Variants in FAM47E observed in about 807,000 individuals in gnomAD.
The protein encoded by FAM47E is protein FAM47E.
In FAM47E, 32 loss-of-function variants were observed where a neutral mutation model predicts 41.6. That is an observed-to-expected ratio of 0.77 (90% CI 0.58 to 1.03). The LOEUF (loss-of-function observed/expected upper bound fraction) is 1.03. FAM47E is among the 50% of genes least tolerant of loss of function. The pLI is 0.00. For missense variants in FAM47E, 424 were observed against 485.4 expected (o/e 0.87, Z 1.19); for synonymous variants, 184 against 188.7 (o/e 0.98, Z 0.20).
In FAM47E at chr4:76,214,385, C is replaced by CA. The variant is rs1560724516; in HGVS notation, c.-63dup. The stretch of plus-strand genomic sequence containing the variant: ...GGCATGTGCAAGAATGGAAGATGTG[C>CA]AAAAAAGGGAGGAGGAGGCATTTCA... On this transcript the variant is annotated 5_prime_UTR_variant, in exon 1 of 8. Transcript: ENST00000510197. 4 of 424,630 alleles carry CA rather than the reference C, an allele frequency of 9.4e-6. No individual in the cohort carries two copies. In the East Asian group the frequency reaches 3.0e-4, roughly 32 times the overall value. The allele number at this position is 424,630 out of a possible 1,614,324, so 26.3% of individuals were successfully genotyped here. A position where few individuals can be genotyped will look rare whatever the true frequency, so the allele number is the denominator to read the frequency against.
Position 76,278,219 on chromosome 4 carries a change from G to A in FAM47E, c.1021G>A (p.Glu341Lys), listed in dbSNP as rs1361329466. ...QEENFKKELQ[E>K]QEELLADLHG... Reference sequence around the variant, plus strand: ...GGAGAATTTTAAAAAGGAGCTGCAGGAACAGGTATGTATTTATACTGAGAT... The same window carrying A: ...GGAGAATTTTAAAAAGGAGCTGCAGAAACAGGTATGTATTTATACTGAGAT... The change falls in exon 6 of 8, where the codon GAA (glutamate) becomes AAA (lysine). Residue 341 changes from glutamate to lysine, a missense_variant. Transcript: ENST00000424749. The A allele has an allele frequency of 6.5e-7, 1 of 1,537,814 alleles. No homozygotes were observed. The highest frequency in any genetic ancestry group is 2.1e-5 in the Admixed American group (1 of 47,268).
chr4:76,270,880 C>G (rs1361646934), intron 4 of FAM47E, among the ~76,000 whole-genome samples: 3 of 152,068 alleles, frequency 2.0e-5, no homozygotes, highest in Non-Finnish European at 4.4e-5. Context: ...ATTACGTTAG[C>G]CTCGTTTTGC....
At chr4:76,236,177 A>G (rs1215048049) in intron 2 of FAM47E, 1 of 152,252 alleles carries the variant, frequency 6.6e-6, no homozygotes, top group Non-Finnish European at 1.5e-5. Context: ...TTCAGGTTTA[A>G]GTCACTTTAT....
chr4:76,253,653 C>T (rs946617959), intron 1 of FAM47E, among the ~76,000 whole-genome samples: 13 of 151,948 alleles, frequency 8.6e-5, no homozygotes, highest in East Asian at 3.9e-4. Context: ...AAGAGGAAAG[C>T]GGTAGCCAGG....
intron 2 of FAM47E, among the ~76,000 whole-genome samples, chr4:76,261,562 A>G (rs888499073): frequency 2.0e-5 from 3 of 152,170 alleles, no homozygotes; most frequent in Non-Finnish European, 4.4e-5. Context: ...TAAGTGAAAT[A>G]ACTCAGAATC....
intron 5 of FAM47E, among the ~76,000 whole-genome samples, chr4:76,276,743 C>T (rs1264392664): frequency 6.6e-6 from 1 of 152,142 alleles, no homozygotes; most frequent in Non-Finnish European, 1.5e-5. Context: ...TGGGGAAAAA[C>T]ATTACAGTAG....
intron 2 of FAM47E, among the ~76,000 whole-genome samples, chr4:76,258,013 G>A (rs909982676): frequency 6.6e-6 from 1 of 152,210 alleles, no homozygotes; most frequent in Non-Finnish European, 1.5e-5. Flanking sequence ...TCTCTCTGGG[G>A]CTTTCCCTCA....
chr4:76,280,014 A>G, intron 6 of FAM47E: 1 of 353,844 alleles, frequency 2.8e-6, no homozygotes, highest in South Asian at 4.4e-5. Context: ...ATAATTGTCT[A>G]ATTGCTAAAA....
intron 4 of FAM47E, among the ~76,000 whole-genome samples, chr4:76,270,748 G>GA (rs1238086673): frequency 2.6e-5 from 4 of 152,164 alleles, no homozygotes; most frequent in Non-Finnish European, 1.5e-5. Context: ...CATCCCACAA[G>GA]CTGGGTCCCT....
intron 2 of FAM47E, among the ~76,000 whole-genome samples, chr4:76,263,476 T>G (rs1734503589): frequency 6.6e-6 from 1 of 152,180 alleles, no homozygotes; most frequent in African/African-American, 2.4e-5. Context: ...ATTTTAGACT[T>G]TAGGGATTAT....
intron 7 of FAM47E, chr4:76,281,928 C>T (rs928316160): frequency 3.6e-4 from 54 of 152,094 alleles, no homozygotes; most frequent in African/African-American, 1.1e-3. Flanking sequence ...CTGGATATAC[C>T]AGCATTTATT....
chr4:76,220,573 G>A (rs1433113665), intron 2 of FAM47E, among the ~76,000 whole-genome samples: 1 of 152,218 alleles, frequency 6.6e-6, no homozygotes, highest in Admixed American at 6.5e-5. Flanking sequence ...GCTGCAGTGA[G>A]CTGATTGTGC....
At chr4:76,254,008 A>G (rs1028804507) in intron 1 of FAM47E, among the ~76,000 whole-genome samples, 1 of 151,738 alleles carries the variant, frequency 6.6e-6, no homozygotes, top group East Asian at 1.9e-4. Context: ...TGTAGTCCCA[A>G]CTACTTGGGG....
chr4:76,278,300 A>G, intron 6 of FAM47E, 76 bp downstream of exon 6: 1 of 1,392,606 alleles, frequency 7.2e-7, no homozygotes, highest in Non-Finnish European at 9.3e-7. Flanking sequence ...CTACTGAACC[A>G]GACTCTGCGG....
intron 2 of FAM47E, among the ~76,000 whole-genome samples, chr4:76,230,609 C>G: frequency 6.6e-6 from 1 of 152,152 alleles, no homozygotes; most frequent in Non-Finnish European, 1.5e-5. Flanking sequence ...CAGTTTGAAG[C>G]TTCCCTTCTC....
Position 76,273,704 on chromosome 4 carries a change from C to CT in FAM47E, c.870+1945dup, listed in dbSNP as rs200056634. Among the ~76,000 whole-genome samples the CT allele has an allele frequency of 7.5e-3, 1,137 of 151,230 alleles. 15 individuals are homozygous for CT. Among genetic ancestry groups the CT allele is most frequent in the African/African-American group, 0.026 (1,068 of 41,286 alleles). On this transcript the variant is annotated intron_variant, in intron 5 of 7. Transcript: ENST00000424749. ...AAATTTTGGACTATATTTCTTCAAA[C>CT]TTTTTTTTTGTTGTTTTTCAATCCC...
At chr4:76,266,190 C>T (rs557966491) in intron 3 of FAM47E, among the ~76,000 whole-genome samples, 4 of 152,312 alleles carry the variant, frequency 2.6e-5, no homozygotes, top group East Asian at 1.9e-4. Context: ...TTTTACTGGC[C>T]GCTCTTTACC....
At chr4:76,234,216 T>C (rs996851503) in intron 2 of FAM47E, 1 of 152,056 alleles carries the variant, frequency 6.6e-6, no homozygotes, top group Non-Finnish European at 1.5e-5. Flanking sequence ...AATGCGGGGG[T>C]GTGGGCATGA....
At chr4:76,233,986 T>C (rs75868917) in intron 2 of FAM47E, among the ~76,000 whole-genome samples, 8,460 of 152,320 alleles carry the variant, frequency 0.056, 260 homozygotes, top group Middle Eastern at 0.088. Context: ...CCTCTTATTC[T>C]TATTCAAGTG....
Sources: gnomAD v4.1 joint callset for allele counts (sites outside exome capture counted in the v4.1 genomes callset) on GRCh38, gnomAD v4.1.1 for gene constraint, MANE v1.5 for transcripts, NCBI Gene and HGNC (gene_info 2026-07-23, HGNC 2026-07-21) for gene names.